ANKFN1: variants seen among roughly 807,000 people sequenced by gnomAD.
The protein encoded by ANKFN1 is ankyrin repeat and fibronectin type III domain containing 1.
A neutral mutation model predicts 108.7 loss-of-function variants in ANKFN1; 74 were observed. The observed-to-expected ratio is 0.68, with a 90% CI of 0.56 to 0.83. The LOEUF (loss-of-function observed/expected upper bound fraction) is 0.83. Among genes scored for constraint, ANKFN1 ranks in the 40% least tolerant of loss-of-function variants. ANKFN1 has a pLI of 0.00. For missense variants in ANKFN1, 1,505 were observed against 1,382.3 expected, an observed-to-expected ratio of 1.09 and a Z score of -1.41; for synonymous variants, 547 against 516.2, an observed-to-expected ratio of 1.06 and a Z score of -0.81.
intron 3 of ANKFN1, among the ~76,000 whole-genome samples, chr17:56,248,927 G>C (rs1446694932): frequency 6.6e-6 from 1 of 152,166 alleles, no homozygotes; most frequent in Non-Finnish European, 1.5e-5. Context: ...AATTCACATT[G>C]TGAGCAACCA....
chr17:56,449,249 A>T (rs2049405701), intron 11 of ANKFN1, 63 bp downstream of exon 11: 1 of 1,310,634 alleles, frequency 7.6e-7, no homozygotes, highest in Non-Finnish European at 1.1e-6. Flanking sequence ...TAATTTTAGC[A>T]GTTTCCTAAC....
chr17:56,409,805 C>T (rs7222706), intron 8 of ANKFN1, among the ~76,000 whole-genome samples: 8,063 of 152,128 alleles, frequency 0.053, 244 homozygotes, highest in African/African-American at 0.06. Flanking sequence ...CAAGCAATCA[C>T]GATTACCTTC....
At chr17:56,384,997 A>G in intron 8 of ANKFN1, among the ~76,000 whole-genome samples, 1 of 151,772 alleles carries the variant, frequency 6.6e-6, no homozygotes. Context: ...ACCAAAAAAG[A>G]GCCCGCATCG....
intron 1 of ANKFN1, among the ~76,000 whole-genome samples, chr17:56,182,423 T>C (rs1479973128): frequency 6.6e-6 from 1 of 152,070 alleles, no homozygotes; most frequent in Non-Finnish European, 1.5e-5. Flanking sequence ...ATGGAGAAGG[T>C]TTTAGTGGTT....
chr17:56,502,729 A>C (rs2051414808), intron 20 of ANKFN1, among the ~76,000 whole-genome samples: 1 of 152,206 alleles, frequency 6.6e-6, no homozygotes, highest in South Asian at 2.1e-4. Context: ...CAGAGGGCAA[A>C]GTTTGCAGCA....
chr17:56,511,137 C>CG lies in ANKFN1; in HGVS notation c.3310dup (p.Glu1104GlyfsTer114). On this transcript the variant is annotated frameshift_variant, in exon 21 of 21. Coordinates refer to ENST00000682825, the MANE Select transcript of ANKFN1 (RefSeq NM_001370326.1). LOFTEE classifies it low-confidence loss of function (END_TRUNC). ...ACGCAGCGGCCGTGGTGGCCCAGGA[C>CG]GAAAAACCATGGGCAAGCTTGAGCC... The CG allele has an allele frequency of 6.5e-7, 1 of 1,536,024 alleles. No individual in the cohort carries two copies. Among genetic ancestry groups the CG allele is most frequent in the Non-Finnish European group, 8.7e-7 (1 of 1,146,858 alleles).
rs199971972 is a variant in ANKFN1, at chr17:56,046,987, C to CT, written c.288+671dup. Among the ~76,000 whole-genome samples the CT allele has an allele frequency of 5.3e-3, 809 of 151,486 alleles. 10 individuals carry two copies. The highest frequency in any genetic ancestry group is 0.019 in the African/African-American group (765 of 41,328). On this transcript the variant is annotated intron_variant, in intron 4 of 12. Transcript: ENST00000635860. The stretch of plus-strand genomic sequence containing the variant: ...AAAGTTTTTTCTTTTCCTTTCTTTT[C>CT]TTTTTTTTTAAATTAAGCCCTGAAA...
At chr17:56,311,756 T>C (rs959557163) in intron 3 of ANKFN1, among the ~76,000 whole-genome samples, 1 of 152,196 alleles carries the variant, frequency 6.6e-6, no homozygotes, top group Non-Finnish European at 1.5e-5. Context: ...GCATTGGGTG[T>C]ATATGAAATG....
At chr17:56,430,472 G>T (rs2048716202) in intron 8 of ANKFN1, among the ~76,000 whole-genome samples, 1 of 148,134 alleles carries the variant, frequency 6.8e-6, no homozygotes, top group Non-Finnish European at 1.5e-5. Context: ...AAAAAAATTT[G>T]CTAAGAGGGT....
intron 8 of ANKFN1, among the ~76,000 whole-genome samples, chr17:56,402,397 C>G (rs537905350): frequency 6.6e-6 from 1 of 152,210 alleles, no homozygotes; most frequent in East Asian, 1.9e-4. Flanking sequence ...GTATCTAATT[C>G]TTCCTGATTT....
At chr17:56,315,056 C>G (rs2045159753) in intron 3 of ANKFN1, among the ~76,000 whole-genome samples, 1 of 152,112 alleles carries the variant, frequency 6.6e-6, no homozygotes, top group African/African-American at 2.4e-5. Context: ...TTTCACTGGG[C>G]TACATGTAAC....
chr17:56,279,280 G>A (rs922181636), intron 3 of ANKFN1, among the ~76,000 whole-genome samples: 2 of 152,126 alleles, frequency 1.3e-5, no homozygotes, highest in South Asian at 2.1e-4. Context: ...AGAAAGAAGT[G>A]GAATCCCACA....
At chr17:56,481,188 C>T (rs2145369167) in intron 17 of ANKFN1, among the ~76,000 whole-genome samples, 1 of 151,816 alleles carries the variant, frequency 6.6e-6, no homozygotes, top group East Asian at 1.9e-4. Context: ...TAAAGGTGTA[C>T]TCACATGTAC....
chr17:56,400,046 G>C (rs1225372593), intron 8 of ANKFN1, among the ~76,000 whole-genome samples: 1 of 151,622 alleles, frequency 6.6e-6, no homozygotes, highest in African/African-American at 2.4e-5. Flanking sequence ...CTATAAACAT[G>C]CATGTGCAAG....
intron 2 of ANKFN1, among the ~76,000 whole-genome samples, chr17:56,214,300 G>A (rs1029352186): frequency 6.6e-6 from 1 of 152,206 alleles, no homozygotes; most frequent in African/African-American, 2.4e-5. Flanking sequence ...AAGATACACA[G>A]TGATGATCTC....
chr17:56,072,760 G>A (rs1018912011), intron 4 of ANKFN1, among the ~76,000 whole-genome samples: 2 of 152,150 alleles, frequency 1.3e-5, no homozygotes, highest in East Asian at 1.9e-4. Context: ...TGTGTAAGTC[G>A]CAGTTATTAT....
At chr17:56,275,614 G>C (rs1398779922) in intron 3 of ANKFN1, among the ~76,000 whole-genome samples, 1 of 152,174 alleles carries the variant, frequency 6.6e-6, no homozygotes, top group Non-Finnish European at 1.5e-5. Flanking sequence ...GTATAGCAAG[G>C]AGACTGTTTT....
chr17:56,490,935 G>GA (rs5821130), intron 18 of ANKFN1, among the ~76,000 whole-genome samples: 92,784 of 151,518 alleles, frequency 0.61, 29,476 homozygotes, highest in East Asian at 0.87. Context: ...TATCCCCAGA[G>GA]AAAAAAAAGC....
At position 56,477,667 on chromosome 17, in the gene ANKFN1, G is replaced by C. The variant is rs2145351352; in HGVS notation, c.1940+13G>C. The C allele has an allele frequency of 1.2e-6, 2 of 1,610,746 alleles. No individual in the cohort carries two copies. Among genetic ancestry groups the C allele is most frequent in the South Asian group, 1.1e-5 (1 of 90,450 alleles). On this transcript the variant is annotated intron_variant, in intron 16 of 20. Coordinates refer to ENST00000682825, the MANE Select transcript of ANKFN1 (RefSeq NM_001370326.1). ...ATAATATTTCTAGGTAAGTGATCAG[G>C]AGTTAAGATTTTCCTTGTGATGAAA...
Sources: allele counts gnomAD v4.1 joint callset (sites outside exome capture counted in the v4.1 genomes callset), GRCh38; gene constraint gnomAD v4.1.1; transcripts MANE v1.5; gene names NCBI Gene and HGNC (gene_info 2026-07-23, HGNC 2026-07-21).